Variants in COMMD6 observed in about 807,000 individuals in gnomAD.
COMMD6 encodes COMM domain containing 6.
Under a neutral mutation model 13.4 loss-of-function variants are expected in COMMD6, and 11 were observed. That is an observed-to-expected ratio of 0.82 (90% CI 0.52 to 1.36). The LOEUF is 1.36. Ranked by LOEUF, COMMD6 falls within the 40% of genes most tolerant of loss-of-function variation. The pLI, the probability that COMMD6 is intolerant of heterozygous loss-of-function variation, is 0.00. For synonymous variants in COMMD6, 43 were observed against 36.5 expected (o/e 1.18, Z -0.64); for missense variants, 124 against 102.4 (o/e 1.21, Z -0.91).
chr13:75,548,092 G>C lies in COMMD6; in HGVS notation n.106+1231C>G, dbSNP rs953125026. ...GAAGTCTTAAGCAACCCTAACAGGT[G>C]AATCACAGTGCAGAACCTCAGGGAT... On this transcript the variant is annotated intron_variant and non_coding_transcript_variant, in intron 1 of 2. Transcript: ENST00000460675. Among the ~76,000 whole-genome samples, 3 of 152,352 alleles carry C rather than the reference G, an allele frequency of 2.0e-5. No homozygotes were observed. In the East Asian group the frequency reaches 5.8e-4, roughly 29 times the overall value.
intron 2 of COMMD6, 78 bp from the exon 3 acceptor site, chr13:75,530,344 G>A: frequency 8.6e-7 from 1 of 1,166,702 alleles, no homozygotes; most frequent in South Asian, 1.5e-5. Flanking sequence ...TTTTACTGCA[G>A]TTACACTCAA....
intron 1 of COMMD6, among the ~76,000 whole-genome samples, chr13:75,543,878 G>A (rs1196133052): frequency 6.6e-6 from 1 of 152,136 alleles, no homozygotes; most frequent in African/African-American, 2.4e-5. Flanking sequence ...TATTTTAAAG[G>A]TGAGAAAACT....
chr13:75,542,351 G>A (rs531087426), upstream of COMMD6, among the ~76,000 whole-genome samples: 3 of 147,936 alleles, frequency 2.0e-5, no homozygotes, highest in South Asian at 4.2e-4. Flanking sequence ...GTGCAATGGT[G>A]CGTTCTCAGC....
chr13:75,529,259 G>A (rs2030377025), intron 3 of COMMD6, among the ~76,000 whole-genome samples: 1 of 152,104 alleles, frequency 6.6e-6, no homozygotes, highest in Non-Finnish European at 1.5e-5. Context: ...GGTGGCTCAC[G>A]CCTGTAATCC....
intron 3 of COMMD6, among the ~76,000 whole-genome samples, chr13:75,528,551 T>C (rs1396947625): frequency 6.6e-6 from 1 of 152,196 alleles, no homozygotes; most frequent in Non-Finnish European, 1.5e-5. Flanking sequence ...CTCACGCCTG[T>C]AATTCCAGCA....
In COMMD6 at chr13:75,537,832, G is replaced by A; in HGVS notation, c.-27C>T. On this transcript the variant is annotated 5_prime_UTR_variant, in exon 1 of 4. Coordinates refer to ENST00000682242, the MANE Select transcript of COMMD6 (RefSeq NM_203495.4). ...GGCAGCGTCTGGGACTTGCGGCCCG[G>A]ACTCGAGAGAACGCCCCCAGACCAG... The A allele has an allele frequency of 1.3e-6, 2 of 1,577,912 alleles. No individual in the cohort carries two copies. Among genetic ancestry groups the A allele is most frequent in the Non-Finnish European group, 1.7e-6 (2 of 1,159,988 alleles).
chr13:75,525,657 C>G lies in COMMD6; in HGVS notation c.*932G>C, dbSNP rs1199576761. ...GGCTGCGGCAGGCAGCAGTCCTGGG[C>G]TCCTCACAGCTGTGTGCTACCTAGC... On this transcript the variant is annotated 3_prime_UTR_variant, in exon 4 of 4. Transcript: ENST00000682242. 1 of 152,376 alleles carries G rather than the reference C, an allele frequency of 6.6e-6. No homozygotes were observed. The highest frequency in any genetic ancestry group is 2.4e-5 in the African/African-American group (1 of 41,582). 9.4% of individuals were successfully genotyped at this position (152,376 alleles called of 1,614,324 possible).
upstream of COMMD6, among the ~76,000 whole-genome samples, chr13:75,539,967 ATCT>A (rs1197842372): frequency 3.9e-5 from 5 of 129,074 alleles, no homozygotes; most frequent in African/African-American, 1.5e-4. Flanking sequence ...TTGCAAGGAA[ATCT>A]TTTTTTTTTT....
At chr13:75,529,845 T>C (rs954794952) in intron 3 of COMMD6, 12 of 298,788 alleles carry the variant, frequency 4.0e-5, no homozygotes, top group Non-Finnish European at 6.7e-5. Context: ...CCATTGAAGA[T>C]AAAACTTTCC....
upstream of COMMD6, among the ~76,000 whole-genome samples, chr13:75,540,381 C>G (rs1458215698): frequency 1.3e-5 from 2 of 150,672 alleles, no homozygotes; most frequent in Non-Finnish European, 3.0e-5. Context: ...CAGACACACA[C>G]CCCTTAACTT....
rs140833204 is a variant in COMMD6 at position 75,525,781 on chromosome 13, G to C, written c.*808C>G. The C allele has an allele frequency of 6.6e-5, 10 of 152,340 alleles. No individual in the cohort carries two copies. Among genetic ancestry groups the C allele is most frequent in the African/African-American group, 2.4e-4 (10 of 41,580 alleles). 9.4% of individuals were successfully genotyped at this position (152,340 alleles called of 1,614,324 possible). On this transcript the variant is annotated 3_prime_UTR_variant, in exon 4 of 4. Transcript: ENST00000682242. ...CTAATATGGCGGACCAGAATGTCTT[G>C]ATCTATTTCTAGGCCATCTATTCTA... is the stretch of plus-strand genomic sequence containing the variant.
chr13:75,546,648 A>T (rs749312194), intron 1 of COMMD6, among the ~76,000 whole-genome samples: 2 of 152,240 alleles, frequency 1.3e-5, no homozygotes, highest in Non-Finnish European at 2.9e-5. Context: ...TCCTTTGACA[A>T]CCATCAAAAT....
intron 2 of COMMD6, among the ~76,000 whole-genome samples, chr13:75,535,934 C>CTGGA (rs1175438943): frequency 1.3e-5 from 2 of 152,012 alleles, no homozygotes; most frequent in Non-Finnish European, 2.9e-5. Flanking sequence ...GTCACTCAGG[C>CTGGA]TGGACTGCTG....
At chr13:75,540,344 CCA>C (rs59520333), upstream of COMMD6, among the ~76,000 whole-genome samples, 12,580 of 147,202 alleles carry the variant, frequency 0.085, 1,120 homozygotes, top group African/African-American at 0.23. Context: ...ACACACACAC[CCA>C]CACACACACA....
At chr13:75,529,520 C>CAAAA (rs58073558) in intron 3 of COMMD6, among the ~76,000 whole-genome samples, 1 of 104,644 alleles carries the variant, frequency 9.6e-6, no homozygotes, top group Non-Finnish European at 1.9e-5. Context: ...GACTCCGTCT[C>CAAAA]AAAAAAAAAA....
rs1363182676 is a variant in COMMD6 at position 75,525,478 on chromosome 13, G to C, written c.*1111C>G. ...ACACGACGACACTGGTTGTGGGAGG[G>C]AGAGAGAAGGGATCTTTGGTTTCTC... On this transcript the variant is annotated 3_prime_UTR_variant, in exon 4 of 4. Transcript: ENST00000682242. 2 of 152,228 alleles carry C rather than the reference G, an allele frequency of 1.3e-5. No homozygotes were observed. The highest frequency in any genetic ancestry group is 4.8e-5 in the African/African-American group (2 of 41,458). 9.4% of individuals were successfully genotyped at this position (152,228 alleles called of 1,614,324 possible). A position where few individuals can be genotyped will look rare whatever the true frequency, so the allele number is the denominator to read the frequency against.
chr13:75,542,672 T>C (rs1397206419), upstream of COMMD6, among the ~76,000 whole-genome samples: 1 of 152,260 alleles, frequency 6.6e-6, no homozygotes, highest in Non-Finnish European at 1.5e-5. Flanking sequence ...TTAAGGTTGC[T>C]AATTAGCTGA....
At chr13:75,541,171 C>A (rs1368585823), upstream of COMMD6, among the ~76,000 whole-genome samples, 1 of 152,178 alleles carries the variant, frequency 6.6e-6, no homozygotes, top group African/African-American at 2.4e-5. Flanking sequence ...TAAAAAAAAT[C>A]TCACCAGCAC....
intron 3 of COMMD6, 138 bp downstream of exon 3, chr13:75,529,976 T>C: frequency 1.6e-6 from 1 of 641,520 alleles, no homozygotes. Context: ...GTCTCTTGCA[T>C]ATACTACTAG....
Sources: gnomAD v4.1 joint callset for allele counts (sites outside exome capture counted in the v4.1 genomes callset) on GRCh38, gnomAD v4.1.1 for gene constraint, MANE v1.5 for transcripts, NCBI Gene and HGNC (gene_info 2026-07-23, HGNC 2026-07-21) for gene names.